DTWD1: variants seen among roughly 807,000 people sequenced by gnomAD.
DTWD1 encodes the protein tRNA-uridine aminocarboxypropyltransferase 1.
In DTWD1, 27 loss-of-function variants were observed where a neutral mutation model predicts 30.2. The observed-to-expected ratio is 0.90, with a 90% CI of 0.66 to 1.23. The LOEUF is 1.23. Ranked by LOEUF, DTWD1 falls within the 50% of genes most tolerant of loss-of-function variation. DTWD1 has a pLI of 0.00. For synonymous variants in DTWD1, 99 were observed against 113.1 expected, an observed-to-expected ratio of 0.88 and a Z score of 0.79; for missense variants, 342 against 348.8, an observed-to-expected ratio of 0.98 and a Z score of 0.15.
In DTWD1 at chr15:49,654,702, G is replaced by A. The variant is rs1261010528; in HGVS notation, c.*11124G>A. 1 of 151,712 alleles carries A rather than the reference G, an allele frequency of 6.6e-6. No individual in the cohort carries two copies. Among genetic ancestry groups the A allele is most frequent in the African/African-American group, 2.4e-5 (1 of 41,264 alleles). 9.4% of individuals were successfully genotyped at this position (151,712 alleles called of 1,614,324 possible). ...TGAGATTGTGGAACCTGAAAATACA[G>A]TGTAGTAAGAGTGGAGAGAAAGGCC... On this transcript the variant is annotated 3_prime_UTR_variant, in exon 5 of 5. Transcript: ENST00000403028.
In DTWD1 at chr15:49,652,929, C is replaced by G. The variant is rs2079160902; in HGVS notation, c.*9351C>G. 6.6e-6 allele frequency: 1 copy of G among 152,152 alleles called. No homozygotes were observed. Among genetic ancestry groups the G allele is most frequent in the Admixed American group, 6.6e-5 (1 of 15,264 alleles). The allele number at this position is 152,152 out of a possible 1,614,324, so 9.4% of individuals were successfully genotyped here. On this transcript the variant is annotated 3_prime_UTR_variant, in exon 5 of 5. Coordinates refer to ENST00000403028, the MANE Select transcript of DTWD1 (RefSeq NM_001144955.2). ...GCTTGAGGTCATACCCTTCCCATGT[C>G]TGGTGACTGAAGTCCAGCTGAATGT...
In DTWD1 at chr15:49,643,516, T is replaced by C; in HGVS notation, c.853T>C (p.Tyr285His). 1 of 1,607,986 alleles carries C rather than the reference T, an allele frequency of 6.2e-7. No individual in the cohort carries two copies. The highest frequency in any genetic ancestry group is 8.5e-7 in the Non-Finnish European group (1 of 1,177,042). Residue 285 changes from tyrosine (Y) to histidine (H), a missense_variant, in exon 5 of 5, where the codon TAC becomes CAC. Transcript: ENST00000403028. ...DNLLFFYSFM[Y>H]QLIKNAKCSG... ...TCTTTTATTTTTCTATTCTTTTATG[T>C]ACCAGTTGATAAAGAATGCCAAATG...
At chr15:49,634,825 C>A in intron 4 of DTWD1, 31 bp downstream of exon 4, 1 of 1,525,636 alleles carries the variant, frequency 6.6e-7, no homozygotes, top group South Asian at 1.3e-5. Flanking sequence ...TGGACTGCTC[C>A]TCCCTCAGAC....
rs1251314049 is a variant in DTWD1 at position 49,645,864 on chromosome 15, TTTTTTTGTTTG to T, written c.*2297_*2307del. On this transcript the variant is annotated 3_prime_UTR_variant, in exon 5 of 5. Coordinates refer to ENST00000403028, the MANE Select transcript of DTWD1 (RefSeq NM_001144955.2). ...ATGAATTGACTATACTTGTCTTAGT[TTTTTTTGTTTG>T]TTTTTTGTTTTTTGTTTTTTTGGTG... The T allele has an allele frequency of 6.6e-6, 1 of 152,170 alleles. No individual in the cohort carries two copies. Among genetic ancestry groups the T allele is most frequent in the African/African-American group, 2.4e-5 (1 of 41,456 alleles). 9.4% of individuals were successfully genotyped at this position (152,170 alleles called of 1,614,324 possible).
chr15:49,634,592 T>C lies in DTWD1; in HGVS notation c.465T>C (p.His155=), dbSNP rs2078975824. The C allele has an allele frequency of 1.9e-6, 3 of 1,613,538 alleles. No individual in the cohort carries two copies. The highest frequency in any genetic ancestry group is 2.5e-6 in the Non-Finnish European group (3 of 1,179,776). Residue 155 remains histidine, a synonymous_variant, in exon 4 of 5, where the codon CAT becomes CAC. Transcript: ENST00000403028. ...QSISIKDISF[H]LQKRIQNNVR... is the part of the protein sequence containing the mutation. ...TCTCAATAAAAGATATTTCTTTTCA[T>C]CTGCAAAAAAGGATTCAAAATAATG...
intron 2 of DTWD1, among the ~76,000 whole-genome samples, chr15:49,625,836 T>C (rs1445347140): frequency 6.6e-6 from 1 of 152,126 alleles, no homozygotes; most frequent in Non-Finnish European, 1.5e-5. Flanking sequence ...CACTATAGTA[T>C]AAGGCATGTC....
intron 2 of DTWD1, among the ~76,000 whole-genome samples, chr15:49,627,614 C>G (rs1375547417): frequency 6.6e-6 from 1 of 152,198 alleles, no homozygotes; most frequent in African/African-American, 2.4e-5. Flanking sequence ...CCTATTGCTC[C>G]TAGCCTACAA....
At chr15:49,637,795 T>A (rs1354276558) in intron 4 of DTWD1, among the ~76,000 whole-genome samples, 2 of 152,100 alleles carry the variant, frequency 1.3e-5, no homozygotes, top group African/African-American at 4.8e-5. Context: ...CTTTTTGGAG[T>A]CTGATTGGTG....
At chr15:49,634,977 T>C (rs751166635) in intron 4 of DTWD1, among the ~76,000 whole-genome samples, 183 bp downstream of exon 4, 1 of 152,190 alleles carries the variant, frequency 6.6e-6, no homozygotes, top group African/African-American at 2.4e-5. Flanking sequence ...ATTTTTTGGT[T>C]GATCAATTGA....
chr15:49,655,995 T>C lies in DTWD1; in HGVS notation c.*12417T>C, dbSNP rs958243426. ...GTGATATCTATTTTGTGGTTAAATGTGTTATAAACATTTATTTAGTGAAAT... is the reference window on the plus strand; with the variant it reads ...GTGATATCTATTTTGTGGTTAAATGCGTTATAAACATTTATTTAGTGAAAT... On this transcript the variant is annotated 3_prime_UTR_variant, in exon 5 of 5. Transcript: ENST00000403028. The C allele has an allele frequency of 6.6e-6, 1 of 152,128 alleles. No homozygotes were observed. The highest frequency in any genetic ancestry group is 2.1e-4 in the South Asian group (1 of 4,832). The allele number at this position is 152,128 out of a possible 1,614,324, so 9.4% of individuals were successfully genotyped here. A position where few individuals can be genotyped will look rare whatever the true frequency, so the allele number is the denominator to read the frequency against.
rs1196344218 is a variant in DTWD1, at chr15:49,650,821, T to G, written c.*7243T>G. On this transcript the variant is annotated 3_prime_UTR_variant, in exon 5 of 5. Coordinates refer to ENST00000403028, the MANE Select transcript of DTWD1 (RefSeq NM_001144955.2). The stretch of plus-strand genomic sequence containing the variant: ...CCAATCCTGCTTCCTCCCCTTCCCC[T>G]GAAAGGTGACACTTTCTAATAAACA... The G allele has an allele frequency of 6.6e-6, 1 of 152,196 alleles. No individual in the cohort carries two copies. The highest frequency in any genetic ancestry group is 1.5e-5 in the Non-Finnish European group (1 of 68,054). 9.4% of individuals were successfully genotyped at this position (152,196 alleles called of 1,614,324 possible). A position where few individuals can be genotyped will look rare whatever the true frequency, so the allele number is the denominator to read the frequency against.
In DTWD1 at chr15:49,644,607, G is replaced by C. The variant is rs2079103300; in HGVS notation, c.*1029G>C. 2 of 152,154 alleles carry C rather than the reference G, an allele frequency of 1.3e-5. No homozygotes were observed. Among genetic ancestry groups the C allele is most frequent in the African/African-American group, 4.8e-5 (2 of 41,430 alleles). 9.4% of individuals were successfully genotyped at this position (152,154 alleles called of 1,614,324 possible). A position where few individuals can be genotyped will look rare whatever the true frequency, so the allele number is the denominator to read the frequency against. The stretch of plus-strand genomic sequence containing the variant: ...TTAGAAGTTGAGAGGAAAATGAAAT[G>C]ATGTTATTTATTTCCCTGGCTCCTT... On this transcript the variant is annotated 3_prime_UTR_variant, in exon 5 of 5. Transcript: ENST00000403028.
chr15:49,638,380 G>A (rs192151478), intron 4 of DTWD1, among the ~76,000 whole-genome samples: 2,142 of 152,126 alleles, frequency 0.014, 26 homozygotes, highest in Non-Finnish European at 0.022. Context: ...AATTTTTAAA[G>A]GGGCTTCTTA....
intron 2 of DTWD1, chr15:49,626,684 G>T: frequency 2.6e-6 from 1 of 379,402 alleles, no homozygotes; most frequent in Non-Finnish European, 5.4e-6. Flanking sequence ...TGATTTTAAA[G>T]TTCATTTGAA....
chr15:49,636,321 T>TA lies in DTWD1; in HGVS notation c.667+1542dup, dbSNP rs879364735. On this transcript the variant is annotated intron_variant, in intron 4 of 4. Transcript: ENST00000403028. The stretch of plus-strand genomic sequence containing the variant: ...AAATAAAGTTGCTATGACACTTGTG[T>TA]AAAAAAAAAAAAAAAGGATGTTCTC... Among the ~76,000 whole-genome samples, 497 of 129,708 alleles carry TA rather than the reference T, an allele frequency of 3.8e-3. 2 individuals are homozygous for TA. Among genetic ancestry groups the TA allele is most frequent in the African/African-American group, 9.9e-3 (350 of 35,464 alleles). 85.1% of individuals were successfully genotyped at this position (129,708 alleles called of 152,430 possible).
chr15:49,641,533 AT>A (rs1445150679), intron 4 of DTWD1, among the ~76,000 whole-genome samples: 4 of 152,086 alleles, frequency 2.6e-5, no homozygotes, highest in Non-Finnish European at 5.9e-5. Context: ...GGCAACATTT[AT>A]CTGGATTTGC....
rs1381010449 is a variant in DTWD1, at chr15:49,646,333, ATCT to A, written c.*2761_*2763del. 2 of 152,220 alleles carry A rather than the reference ATCT, an allele frequency of 1.3e-5. No individual in the cohort carries two copies. Among genetic ancestry groups the A allele is most frequent in the South Asian group, 2.1e-4 (1 of 4,834 alleles). 9.4% of individuals were successfully genotyped at this position (152,220 alleles called of 1,614,324 possible). ...TCATCTTTGGATGCATTATCAGATC[ATCT>A]TCTTCAAGTACCTTAGAAGATTCTC... On this transcript the variant is annotated 3_prime_UTR_variant, in exon 5 of 5. Transcript: ENST00000403028.
At chr15:49,633,882 G>C (rs2078965213) in intron 3 of DTWD1, among the ~76,000 whole-genome samples, 1 of 152,076 alleles carries the variant, frequency 6.6e-6, no homozygotes, top group Non-Finnish European at 1.5e-5. Flanking sequence ...AAGAAAAGTG[G>C]TATCATATTT....
chr15:49,652,494 A>T lies in DTWD1; in HGVS notation c.*8916A>T, dbSNP rs2079158208. 6.6e-6 allele frequency: 1 copy of T among 150,804 alleles called. No individual in the cohort carries two copies. The highest frequency in any genetic ancestry group is 6.6e-5 in the Admixed American group (1 of 15,218). The allele number at this position is 150,804 out of a possible 1,614,324, so 9.3% of individuals were successfully genotyped here. A position where few individuals can be genotyped will look rare whatever the true frequency, so the allele number is the denominator to read the frequency against. On this transcript the variant is annotated 3_prime_UTR_variant, in exon 5 of 5. Coordinates refer to ENST00000403028, the MANE Select transcript of DTWD1 (RefSeq NM_001144955.2). ...GGCCTGGAACTCAGGCCTCTCAAGG[A>T]ATGTGGGTCTGAATTATACCAGATA... is the stretch of plus-strand genomic sequence containing the variant.
Sources: allele counts gnomAD v4.1 joint callset (sites outside exome capture counted in the v4.1 genomes callset), GRCh38; gene constraint gnomAD v4.1.1; transcripts MANE v1.5; gene names NCBI Gene and HGNC (gene_info 2026-07-23, HGNC 2026-07-21).